Variants in TAX1BP1 observed in about 807,000 individuals in gnomAD.
The protein encoded by TAX1BP1 is tax1-binding protein 1.
A neutral mutation model predicts 97.7 loss-of-function variants in TAX1BP1; 62 were observed. The ratio of observed to expected loss-of-function variants is 0.63; its 90% CI spans 0.52 to 0.78. TAX1BP1 has a LOEUF of 0.78. Ranked by LOEUF, TAX1BP1 falls within the 30% of genes least tolerant of loss-of-function variation. The probability of loss-of-function intolerance (pLI) is 0.00; values close to 1 mark genes in which losing one functional copy is unlikely to be tolerated. For missense variants in TAX1BP1, 867 were observed against 916.1 expected (o/e 0.95, Z 0.69); for synonymous variants, 340 against 304.2 (o/e 1.12, Z -1.23).
rs1371135870 is a variant in TAX1BP1 at position 27,794,465 on chromosome 7, T to C, written c.1534+19T>C. The C allele has an allele frequency of 6.3e-7, 1 of 1,592,354 alleles. No individual in the cohort carries two copies. On this transcript the variant is annotated intron_variant, in intron 11 of 16. Transcript: ENST00000396319. ...TCTGCAGGTAAAAATCTTTTAGACT[T>C]TTTGTGTAGGGTGTCCTACATTGAA...
intron 5 of TAX1BP1, among the ~76,000 whole-genome samples, chr7:27,782,072 C>T (rs1438329760): frequency 2.0e-5 from 3 of 152,070 alleles, no homozygotes; most frequent in African/African-American, 4.8e-5. Flanking sequence ...AACCTTAGCT[C>T]ACTGTAACAT....
intron 5 of TAX1BP1, among the ~76,000 whole-genome samples, chr7:27,779,246 TC>T (rs960261233): frequency 2.0e-5 from 3 of 152,172 alleles, no homozygotes; most frequent in Non-Finnish European, 2.9e-5. Flanking sequence ...CACCCCAGCC[TC>T]TCAAGTAACT....
chr7:27,810,012 A>T (rs60811898), intron 13 of TAX1BP1, among the ~76,000 whole-genome samples: 7 of 151,792 alleles, frequency 4.6e-5, no homozygotes, highest in Non-Finnish European at 1.0e-4. Context: ...GGTTCAAGCA[A>T]TTCTCCTGCT....
At position 27,829,519 on chromosome 7, in the gene TAX1BP1, C is replaced by T. The variant is rs1251885880; in HGVS notation, c.*690C>T. Reference sequence around the variant, plus strand: ...AATGGGAAAATGGAACAAGAGATGTCAGTATAATTGTTTTCCTATTAAATG... The same window carrying T: ...AATGGGAAAATGGAACAAGAGATGTTAGTATAATTGTTTTCCTATTAAATG... On this transcript the variant is annotated 3_prime_UTR_variant, in exon 17 of 17. Coordinates refer to ENST00000396319, the MANE Select transcript of TAX1BP1 (RefSeq NM_006024.7). 1 of 152,104 alleles carries T rather than the reference C, an allele frequency of 6.6e-6. No individual in the cohort carries two copies. Among genetic ancestry groups the T allele is most frequent in the Non-Finnish European group, 1.5e-5 (1 of 68,016 alleles). The allele number at this position is 152,104 out of a possible 1,614,324, so 9.4% of individuals were successfully genotyped here.
intron 16 of TAX1BP1, among the ~76,000 whole-genome samples, chr7:27,828,088 G>C (rs2128328053): frequency 6.6e-6 from 1 of 152,302 alleles, no homozygotes; most frequent in East Asian, 1.9e-4. Flanking sequence ...GTTGTTTGGG[G>C]ATGGGAACTA....
chr7:27,739,971 T>C (rs1411918516), upstream of TAX1BP1: 2 of 152,212 alleles, frequency 1.3e-5, no homozygotes, highest in South Asian at 2.1e-4. Context: ...TGCGATTAAG[T>C]TGAACGAAAA....
At chr7:27,775,999 G>C (rs892215742) in intron 5 of TAX1BP1, among the ~76,000 whole-genome samples, 1 of 149,046 alleles carries the variant, frequency 6.7e-6, no homozygotes, top group African/African-American at 2.5e-5. Flanking sequence ...CTGTTCGTCT[G>C]TCTGTCTTTC....
intron 1 of TAX1BP1, among the ~76,000 whole-genome samples, chr7:27,747,853 G>C (rs1787882283): frequency 6.6e-6 from 1 of 151,516 alleles, no homozygotes; most frequent in Admixed American, 6.6e-5. Context: ...ATCCCAGAAA[G>C]TTGTTGTCAT....
At chr7:27,816,328 C>G (rs1252959000) in intron 13 of TAX1BP1, 21 bp from the exon 14 acceptor site, 1 of 1,530,646 alleles carries the variant, frequency 6.5e-7, no homozygotes, top group Non-Finnish European at 8.7e-7. Flanking sequence ...GCTTATTCAT[C>G]TTTGTTTTTG....
intron 2 of TAX1BP1, among the ~76,000 whole-genome samples, chr7:27,754,906 T>C (rs968134606): frequency 6.6e-6 from 1 of 152,148 alleles, no homozygotes; most frequent in Non-Finnish European, 1.5e-5. Context: ...ATGCATATAT[T>C]TTGAATGTTG....
intron 12 of TAX1BP1, among the ~76,000 whole-genome samples, chr7:27,798,974 AT>A (rs2128319832): frequency 6.7e-6 from 1 of 149,688 alleles, no homozygotes; most frequent in African/African-American, 2.5e-5. Flanking sequence ...TTGCCTTTTC[AT>A]TTCCTTAATG....
At chr7:27,774,939 A>G (rs943792139) in intron 5 of TAX1BP1, among the ~76,000 whole-genome samples, 1 of 152,120 alleles carries the variant, frequency 6.6e-6, no homozygotes, top group African/African-American at 2.4e-5. Flanking sequence ...CACATTGCCC[A>G]TTTACTTAGC....
intron 1 of TAX1BP1, among the ~76,000 whole-genome samples, chr7:27,744,367 C>T (rs900526128): frequency 8.5e-5 from 13 of 152,168 alleles, no homozygotes; most frequent in Non-Finnish European, 1.5e-4. Flanking sequence ...ACTCGTGATC[C>T]GCCCGCCTCG....
At chr7:27,755,297 TA>T (rs1479474709) in intron 2 of TAX1BP1, among the ~76,000 whole-genome samples, 1 of 152,196 alleles carries the variant, frequency 6.6e-6, no homozygotes, top group African/African-American at 2.4e-5. Context: ...AATCCTCCTA[TA>T]TCCATATGTA....
intron 5 of TAX1BP1, among the ~76,000 whole-genome samples, chr7:27,783,067 G>A (rs1436997641): frequency 6.6e-6 from 1 of 152,094 alleles, no homozygotes; most frequent in Non-Finnish European, 1.5e-5. Context: ...GTTTAGGAGT[G>A]GGAGGAAAGT....
intron 5 of TAX1BP1, among the ~76,000 whole-genome samples, chr7:27,782,219 G>A (rs1297941366): frequency 3.3e-5 from 5 of 151,576 alleles, no homozygotes; most frequent in Admixed American, 3.3e-4. Context: ...AAAACTTTTT[G>A]TTTTCTTTTC....
intron 4 of TAX1BP1, among the ~76,000 whole-genome samples, chr7:27,766,922 A>G (rs1361358138): frequency 6.6e-6 from 1 of 152,200 alleles, no homozygotes; most frequent in South Asian, 2.1e-4. Flanking sequence ...TAGATTAACC[A>G]TAATTTAAAA....
chr7:27,785,076 A>T, intron 5 of TAX1BP1, 87 bp from the exon 6 acceptor site: 4 of 1,341,360 alleles, frequency 3.0e-6, no homozygotes, highest in Non-Finnish European at 4.0e-6. Context: ...AAATTCTAAG[A>T]ATACATAGTT....
At chr7:27,778,985 C>CGG (rs1789140700) in intron 5 of TAX1BP1, among the ~76,000 whole-genome samples, 1 of 152,030 alleles carries the variant, frequency 6.6e-6, no homozygotes, top group Admixed American at 6.6e-5. Flanking sequence ...AGTCCATTAA[C>CGG]AGTCACTCCT....
Sources: allele counts gnomAD v4.1 joint callset (sites outside exome capture counted in the v4.1 genomes callset), GRCh38; gene constraint gnomAD v4.1.1; transcripts MANE v1.5; gene names NCBI Gene and HGNC (gene_info 2026-07-23, HGNC 2026-07-21).